The following CNTNAP5 variants were observed in gnomAD, a reference collection of about 807,000 sequenced individuals.
CNTNAP5 encodes contactin associated protein family member 5.
CNTNAP5 carries 72 observed loss-of-function variants against 150.2 expected under a neutral mutation model. The observed-to-expected ratio is 0.48, with a 90% CI of 0.40 to 0.58. The LOEUF (loss-of-function observed/expected upper bound fraction) is 0.58, where lower values mean the gene tolerates loss of function less well. Among genes scored for constraint, CNTNAP5 ranks in the 20% least tolerant of loss-of-function variants. CNTNAP5 has a pLI of 0.00. For synonymous variants in CNTNAP5, 672 were observed against 619.8 expected (o/e 1.08, Z -1.25); for missense variants, 1,636 against 1,626.2 (o/e 1.01, Z -0.10).
intron 14 of CNTNAP5, among the ~76,000 whole-genome samples, chr2:124,751,926 C>T (rs1046193112): frequency 2.6e-5 from 4 of 152,018 alleles, no homozygotes; most frequent in African/African-American, 9.7e-5. Context: ...TATTTCTTTT[C>T]CCCAGAAAAA....
chr2:124,401,117 C>T (rs1259671418), intron 3 of CNTNAP5, among the ~76,000 whole-genome samples: 2 of 152,258 alleles, frequency 1.3e-5, no homozygotes, highest in South Asian at 2.1e-4. Flanking sequence ...CCACCTGTCT[C>T]GTCCTGCCAA....
intron 3 of CNTNAP5, among the ~76,000 whole-genome samples, chr2:124,373,755 C>G (rs367853579): frequency 6.6e-6 from 1 of 151,872 alleles, no homozygotes; most frequent in Admixed American, 6.6e-5. Flanking sequence ...TATAAATGTA[C>G]ACAAAAATTT....
At chr2:124,313,641 C>A (rs552742018) in intron 3 of CNTNAP5, among the ~76,000 whole-genome samples, 1 of 152,298 alleles carries the variant, frequency 6.6e-6, no homozygotes, top group South Asian at 2.1e-4. Context: ...TCCTCACACC[C>A]CTTCCACCCG....
intron 14 of CNTNAP5, among the ~76,000 whole-genome samples, chr2:124,755,097 A>G (rs1484108027): frequency 2.0e-5 from 3 of 151,996 alleles, no homozygotes; most frequent in South Asian, 2.1e-4. Flanking sequence ...TTTTTATTTA[A>G]TGATGCCACC....
intron 3 of CNTNAP5, among the ~76,000 whole-genome samples, chr2:124,362,074 C>A (rs776986220): frequency 7.1e-4 from 108 of 152,178 alleles, no homozygotes; most frequent in Non-Finnish European, 1.1e-3. Flanking sequence ...CCGATTTTCC[C>A]GGTGCTGTCC....
chr2:124,726,454 G>A (rs997945110), intron 13 of CNTNAP5, among the ~76,000 whole-genome samples: 17 of 151,946 alleles, frequency 1.1e-4, no homozygotes, highest in South Asian at 2.1e-4. Flanking sequence ...CTTCCCATTT[G>A]CTTTCCCCTA....
intron 21 of CNTNAP5, among the ~76,000 whole-genome samples, chr2:124,883,095 A>G (rs1298757649): frequency 7.1e-6 from 1 of 141,006 alleles, no homozygotes; most frequent in African/African-American, 2.7e-5. Flanking sequence ...TTTTGAGACT[A>G]TCTCCTTCTC....
chr2:124,757,623 TCA>T (rs1227858683), intron 14 of CNTNAP5, among the ~76,000 whole-genome samples: 1 of 152,180 alleles, frequency 6.6e-6, no homozygotes, highest in African/African-American at 2.4e-5. Flanking sequence ...TTCCTGAATC[TCA>T]GTTATTGCTC....
intron 3 of CNTNAP5, among the ~76,000 whole-genome samples, chr2:124,297,688 G>T: frequency 6.6e-6 from 1 of 151,764 alleles, no homozygotes; most frequent in East Asian, 1.9e-4. Context: ...TGCCTTCAAA[G>T]GTCATGATTT....
intron 3 of CNTNAP5, among the ~76,000 whole-genome samples, chr2:124,413,670 G>T (rs1171014898): frequency 2.1e-5 from 1 of 47,908 alleles, no homozygotes; most frequent in Non-Finnish European, 4.1e-5. Flanking sequence ...TCATAGGTGG[G>T]AATTGAACAA....
intron 13 of CNTNAP5, among the ~76,000 whole-genome samples, chr2:124,720,277 C>A (rs769094772): frequency 6.6e-6 from 1 of 152,042 alleles, no homozygotes; most frequent in Non-Finnish European, 1.5e-5. Context: ...TAGTTGTTTT[C>A]GGTATGTAAC....
intron 3 of CNTNAP5, among the ~76,000 whole-genome samples, chr2:124,344,238 A>G (rs566007550): frequency 6.6e-6 from 1 of 152,258 alleles, no homozygotes; most frequent in South Asian, 2.1e-4. Flanking sequence ...AAAAAATGCA[A>G]TCATATCATC....
intron 3 of CNTNAP5, among the ~76,000 whole-genome samples, chr2:124,318,498 T>A (rs1689021003): frequency 6.6e-6 from 1 of 152,194 alleles, no homozygotes; most frequent in African/African-American, 2.4e-5. Context: ...GATAATTATA[T>A]TACTTTTTGC....
At chr2:124,451,036 A>AAAAAC (rs1692957436) in intron 6 of CNTNAP5, among the ~76,000 whole-genome samples, 1 of 50,242 alleles carries the variant, frequency 2.0e-5, no homozygotes, top group Non-Finnish European at 4.1e-5. Context: ...TCTTAAAAAA[A>AAAAAC]AAAAAAAAAA....
At chr2:124,850,763 T>C (rs577317851) in intron 19 of CNTNAP5, among the ~76,000 whole-genome samples, 2 of 151,966 alleles carry the variant, frequency 1.3e-5, no homozygotes, top group Non-Finnish European at 2.9e-5. Flanking sequence ...ACCAGTCAAG[T>C]AGGAAGGAAA....
At chr2:124,472,012 T>C (rs1693529309) in intron 6 of CNTNAP5, among the ~76,000 whole-genome samples, 1 of 152,118 alleles carries the variant, frequency 6.6e-6, no homozygotes, top group Non-Finnish European at 1.5e-5. Flanking sequence ...GAATGTTTTA[T>C]GAGATTTAGG....
intron 3 of CNTNAP5, among the ~76,000 whole-genome samples, chr2:124,288,890 A>G (rs990982542): frequency 6.6e-6 from 1 of 152,224 alleles, no homozygotes; most frequent in Non-Finnish European, 1.5e-5. Context: ...TCCTTGAATG[A>G]TTGTGTGAAT....
At chr2:124,436,751 G>A (rs963702192) in intron 5 of CNTNAP5, among the ~76,000 whole-genome samples, 16 of 152,112 alleles carry the variant, frequency 1.1e-4, no homozygotes, top group African/African-American at 3.6e-4. Context: ...TCCAACCATG[G>A]TGGTGATTAA....
At chr2:124,279,617 A>G (rs1176273280) in intron 3 of CNTNAP5, among the ~76,000 whole-genome samples, 1 of 152,138 alleles carries the variant, frequency 6.6e-6, no homozygotes, top group Admixed American at 6.6e-5. Flanking sequence ...TTTACTTATC[A>G]GGGGATCCAA....
Sources: gnomAD v4.1 joint callset for allele counts (sites outside exome capture counted in the v4.1 genomes callset) on GRCh38, gnomAD v4.1.1 for gene constraint, MANE v1.5 for transcripts, NCBI Gene and HGNC (gene_info 2026-07-23, HGNC 2026-07-21) for gene names.